The following MSI1 variants were observed in gnomAD, a reference collection of about 807,000 sequenced individuals.
The protein encoded by MSI1 is musashi RNA binding protein 1.
A neutral mutation model predicts 54.4 loss-of-function variants in MSI1; 15 were observed. The ratio of observed to expected loss-of-function variants is 0.28; its 90% confidence interval spans 0.18 to 0.42. The LOEUF is 0.42. Ranked by LOEUF, MSI1 falls within the 20% of genes least tolerant of loss-of-function variation. MSI1 has a pLI of 1.00. For missense variants in MSI1, 304 were observed against 506.0 expected (o/e 0.60, Z 3.83); for synonymous variants, 200 against 196.5 (o/e 1.02, Z -0.15).
intron 9 of MSI1, among the ~76,000 whole-genome samples, chr12:120,356,368 G>A (rs906255658): frequency 2.0e-5 from 3 of 151,984 alleles, no homozygotes; most frequent in African/African-American, 7.2e-5. Flanking sequence ...CCCCATCACT[G>A]GCTCCTACTC....
Position 120,367,992 on chromosome 12 carries a change from C to T in MSI1, c.267+16G>A. ...CCCTCTCCCAAAGGACCCCCGAAGC[C>T]CCGAGGGCCACTCACTGTTTTGGAG... On this transcript the variant is annotated intron_variant, in intron 4 of 14. Coordinates refer to ENST00000257552, the MANE Select transcript of MSI1 (RefSeq NM_002442.4). The T allele has an allele frequency of 1.2e-6, 2 of 1,604,528 alleles. No individual in the cohort carries two copies. Among genetic ancestry groups the T allele is most frequent in the South Asian group, 1.1e-5 (1 of 89,398 alleles).
intron 10 of MSI1, 93 bp downstream of exon 10, chr12:120,353,201 GACCCC>G: frequency 1.7e-6 from 2 of 1,173,268 alleles, no homozygotes; most frequent in Non-Finnish European, 1.3e-6. Context: ...CCAGCAAGCA[GACCCC>G]CAGCCATGCA....
chr12:120,367,156 G>T (rs1369853553), intron 4 of MSI1, among the ~76,000 whole-genome samples: 1 of 152,010 alleles, frequency 6.6e-6, no homozygotes, highest in Non-Finnish European at 1.5e-5. Flanking sequence ...GCAGGTAAAC[G>T]GGAGCCAGGG....
rs760803506 is a variant in MSI1, at chr12:120,368,811, G to C, written c.100+22C>G. ...GTCCGGGGTGCCCTGCCGGACCGGC[G>C]GGCGCTCCCGGGCTCGCTCACCCTG... On this transcript the variant is annotated intron_variant, in intron 2 of 14. Transcript: ENST00000257552. This position sits in a 1 kb window ranked among gnomAD's most constrained non-coding sequence, Gnocchi z 6.6. 3.0e-5 allele frequency: 42 copies of C among 1,403,660 alleles called. No individual in the cohort carries two copies. Among genetic ancestry groups the C allele is most frequent in the East Asian group, 1.3e-4 (4 of 30,076 alleles). The allele number at this position is 1,403,660 out of a possible 1,614,324, so 87.0% of individuals were successfully genotyped here. A position where few individuals can be genotyped will look rare whatever the true frequency, so the allele number is the denominator to read the frequency against.
intron 10 of MSI1, among the ~76,000 whole-genome samples, chr12:120,352,278 A>G (rs1483440429): frequency 6.6e-6 from 1 of 152,110 alleles, no homozygotes; most frequent in African/African-American, 2.4e-5. Flanking sequence ...AAGTGCTGGG[A>G]TTACAGGCGT....
chr12:120,350,528 C>G (rs1874505766), intron 11 of MSI1, among the ~76,000 whole-genome samples: 1 of 152,122 alleles, frequency 6.6e-6, no homozygotes, highest in Admixed American at 6.5e-5. Context: ...GAAGGAAGGT[C>G]TTATCTAAAG....
intron 13 of MSI1, among the ~76,000 whole-genome samples, chr12:120,345,924 G>A (rs183835837): frequency 6.6e-6 from 1 of 152,300 alleles, no homozygotes; most frequent in Non-Finnish European, 1.5e-5. Flanking sequence ...TTTGCACCTA[G>A]AGCCCACTAT....
At chr12:120,356,361 C>T (rs1024750450) in intron 9 of MSI1, among the ~76,000 whole-genome samples, 11 of 152,202 alleles carry the variant, frequency 7.2e-5, no homozygotes, top group African/African-American at 2.4e-5. Context: ...CCAGCCTCCC[C>T]ATCACTGGCT....
chr12:120,360,284 C>T (rs1219345734), intron 6 of MSI1, among the ~76,000 whole-genome samples: 3 of 152,146 alleles, frequency 2.0e-5, no homozygotes, highest in African/African-American at 4.8e-5. Flanking sequence ...CAGGCCCGAC[C>T]CCATCATCTA....
intron 6 of MSI1, among the ~76,000 whole-genome samples, chr12:120,361,830 C>G (rs1875677012): frequency 6.6e-6 from 1 of 151,968 alleles, no homozygotes; most frequent in African/African-American, 2.4e-5. Flanking sequence ...GTTTCACATG[C>G]CAACGCCGAT....
Position 120,368,789 on chromosome 12 carries a change from CG to C in MSI1, c.100+43del. On this transcript the variant is annotated intron_variant, in intron 2 of 14. Coordinates refer to ENST00000257552, the MANE Select transcript of MSI1 (RefSeq NM_002442.4). This position sits in a 1 kb window ranked among gnomAD's most constrained non-coding sequence, Gnocchi z 6.6. ...TCCGGGTCCGGGGCGCCGGGGGGTCCGGGGTGCCCTGCCGGACCGGCGGGCG... is the reference window on the plus strand; with the variant it reads ...TCCGGGTCCGGGGCGCCGGGGGGTCCGGGTGCCCTGCCGGACCGGCGGGCG... 6 of 1,392,314 alleles carry C rather than the reference CG, an allele frequency of 4.3e-6. No homozygotes were observed. Among genetic ancestry groups the C allele is most frequent in the South Asian group, 3.0e-5 (2 of 66,748 alleles). The allele number at this position is 1,392,314 out of a possible 1,614,324, so 86.2% of individuals were successfully genotyped here. A position where few individuals can be genotyped will look rare whatever the true frequency, so the allele number is the denominator to read the frequency against.
At position 120,368,758 on chromosome 12, in the gene MSI1, GGGGTGTCCGGGTCC is replaced by G; in HGVS notation, c.100+61_100+74del. On this transcript the variant is annotated intron_variant, in intron 2 of 14. Transcript: ENST00000257552. This position sits in a 1 kb window ranked among gnomAD's most constrained non-coding sequence, Gnocchi z 6.6. Reference sequence around the variant, plus strand: ...GGTCAGCAGGGCGCAGGGCCGGGCTGGGGTGTCCGGGTCCGGGGCGCCGGGGGGTCCGGGGTGCC... The same window carrying G: ...GGTCAGCAGGGCGCAGGGCCGGGCTGGGGGCGCCGGGGGGTCCGGGGTGCC... 7.8e-7 allele frequency: 1 copy of G among 1,286,102 alleles called. No individual in the cohort carries two copies. Among genetic ancestry groups the G allele is most frequent in the South Asian group, 1.9e-5 (1 of 52,140 alleles). The allele number at this position is 1,286,102 out of a possible 1,614,324, so 79.7% of individuals were successfully genotyped here.
chr12:120,344,059 T>C (rs1263886071), intron 14 of MSI1, among the ~76,000 whole-genome samples: 1 of 152,210 alleles, frequency 6.6e-6, no homozygotes, highest in African/African-American at 2.4e-5. Context: ...TTTTACCATG[T>C]TGTCCAGGCT....
chr12:120,357,157 C>T, intron 8 of MSI1, 138 bp from the exon 9 acceptor site: 4 of 763,050 alleles, frequency 5.2e-6, no homozygotes, highest in South Asian at 5.0e-5. Context: ...ACTGATGGAG[C>T]ACTCACTATG....
chr12:120,364,396 A>C (rs1378140292), intron 5 of MSI1, among the ~76,000 whole-genome samples: 1 of 152,088 alleles, frequency 6.6e-6, no homozygotes, highest in Non-Finnish European at 1.5e-5. Context: ...GCTGTGGTCT[A>C]TGATGTTGGA....
chr12:120,348,277 A>G (rs1424605465), intron 11 of MSI1, among the ~76,000 whole-genome samples: 1 of 152,228 alleles, frequency 6.6e-6, no homozygotes, highest in African/African-American at 2.4e-5. Flanking sequence ...CAGGTGCTTA[A>G]TACCTGCTGA....
In MSI1 at chr12:120,342,599, G is replaced by T. The variant is rs1265546497; in HGVS notation, c.*528C>A. The T allele has an allele frequency of 6.6e-6, 1 of 151,200 alleles. No individual in the cohort carries two copies. The highest frequency in any genetic ancestry group is 1.5e-5 in the Non-Finnish European group (1 of 67,786). 9.4% of individuals were successfully genotyped at this position (151,200 alleles called of 1,614,324 possible). On this transcript the variant is annotated 3_prime_UTR_variant, in exon 15 of 15. Coordinates refer to ENST00000257552, the MANE Select transcript of MSI1 (RefSeq NM_002442.4). Reference sequence around the variant, plus strand: ...GGCACCTGGCCCCTTGCCCCCTGCGGCCTGGGGCTTCACATTCACAAACCT... The same window carrying T: ...GGCACCTGGCCCCTTGCCCCCTGCGTCCTGGGGCTTCACATTCACAAACCT...
intron 12 of MSI1, among the ~76,000 whole-genome samples, chr12:120,346,801 C>T (rs1006954914): frequency 9.2e-5 from 14 of 152,216 alleles, no homozygotes; most frequent in African/African-American, 2.4e-4. Context: ...AGCCTTCCCT[C>T]GCCTTTCCTA....
intron 10 of MSI1, among the ~76,000 whole-genome samples, chr12:120,352,164 C>T (rs372655879): frequency 6.6e-6 from 1 of 151,978 alleles, no homozygotes; most frequent in African/African-American, 2.4e-5. Flanking sequence ...ACCACAGGCA[C>T]ACAACATCAT....
Sources: gnomAD v4.1 joint callset for allele counts (sites outside exome capture counted in the v4.1 genomes callset) on GRCh38, gnomAD v4.1.1 for gene constraint, Gnocchi (gnomAD v3.1) non-coding constraint, MANE v1.5 for transcripts, NCBI Gene and HGNC (gene_info 2026-07-23, HGNC 2026-07-21) for gene names.